Variants in OPA1 observed in about 807,000 individuals in gnomAD.
OPA1 encodes dynamin-like GTPase OPA1, mitochondrial.
Under a neutral mutation model 152.9 loss-of-function variants are expected in OPA1, and 59 were observed. The ratio of observed to expected loss-of-function variants is 0.39; its 90% confidence interval spans 0.31 to 0.48. The LOEUF (loss-of-function observed/expected upper bound fraction) is 0.48, where lower values mean the gene tolerates loss of function less well. OPA1 is among the 20% of genes least tolerant of loss of function. OPA1 has a pLI of 0.96. For missense variants in OPA1, 1,008 were observed against 1,216.8 expected (o/e 0.83, Z 2.55); for synonymous variants, 400 against 389.9 (o/e 1.03, Z -0.31).
Position 193,648,865 on chromosome 3 carries a change from A to T in OPA1, c.2006A>T (p.Lys669Ile), listed in dbSNP as rs146601330. 36 of 1,596,022 alleles carry T rather than the reference A, an allele frequency of 2.3e-5. No homozygotes were observed. Among genetic ancestry groups the T allele is most frequent in the Non-Finnish European group, 2.8e-5 (33 of 1,163,966 alleles). Reference protein sequence around the residue: ...EVISLSQVTPKHWEEILQQSL... With the variant: ...EVISLSQVTPIHWEEILQQSL... ...ATCAGTCTGAGCCAGGTTACACCAA[A>T]ACATTGGTAAGTATTTGATATTAAT... The change falls in exon 21 of 31, where the codon AAA (lysine) becomes ATA (isoleucine). Residue 669 changes from lysine (K) to isoleucine (I), a missense_variant. Physicochemically the swap from Lys to Ile is moderately radical, Grantham distance 102. Transcript: ENST00000361510.
chr3:193,604,531 A>G lies in OPA1; in HGVS notation c.33-10192A>G, dbSNP rs568937371. Reference sequence around the variant, plus strand: ...TAAGAGGGAAATCCCTTCAGCAGCCAAGTCATGTCCCAAATAGTGGACTTT... The same window carrying G: ...TAAGAGGGAAATCCCTTCAGCAGCCGAGTCATGTCCCAAATAGTGGACTTT... On this transcript the variant is annotated intron_variant, in intron 1 of 30. Transcript: ENST00000361510. Among the ~76,000 whole-genome samples the G allele has an allele frequency of 1.6e-4, 24 of 152,332 alleles. 1 individual carries two copies. The South Asian group carries it at 5.0e-3, about 32-fold the overall frequency.
At chr3:193,627,377 G>A (rs141480940) in intron 7 of OPA1, 128 of 152,264 alleles carry the variant, frequency 8.4e-4, no homozygotes, top group African/African-American at 2.5e-3. Flanking sequence ...TTAAATTAAA[G>A]TCGATGTGTT....
intron 29 of OPA1, chr3:193,668,662 G>C (rs1279114171): frequency 6.8e-7 from 1 of 1,474,358 alleles, no homozygotes; most frequent in Admixed American, 2.1e-5. Flanking sequence ...ACTGGACCAG[G>C]CTACCAACAG....
At chr3:193,684,832 T>C (rs998571881) in intron 29 of OPA1, among the ~76,000 whole-genome samples, 1 of 152,068 alleles carries the variant, frequency 6.6e-6, no homozygotes, top group Admixed American at 6.5e-5. Context: ...CTTAAGAAAG[T>C]TGAGTGGTCT....
At chr3:193,621,064 T>C (rs896211795) in intron 6 of OPA1, among the ~76,000 whole-genome samples, 2 of 152,208 alleles carry the variant, frequency 1.3e-5, no homozygotes, top group Non-Finnish European at 2.9e-5. Context: ...ATTTAAACAG[T>C]ATTTAGAATT....
At chr3:193,680,601 C>G (rs1051352236) in intron 29 of OPA1, among the ~76,000 whole-genome samples, 2 of 152,116 alleles carry the variant, frequency 1.3e-5, no homozygotes, top group Admixed American at 1.3e-4. Flanking sequence ...TAAGAGCTGC[C>G]TGGGTGGTTT....
At chr3:193,617,693 G>A (rs531540190) in intron 4 of OPA1, 91 bp from the exon 5 acceptor site, 28 of 943,278 alleles carry the variant, frequency 3.0e-5, no homozygotes, top group South Asian at 2.2e-4. Flanking sequence ...TTGCCCTATC[G>A]TAATATGAAA....
chr3:193,656,847 C>T (rs367677401), intron 22 of OPA1, among the ~76,000 whole-genome samples: 9 of 152,198 alleles, frequency 5.9e-5, no homozygotes, highest in Non-Finnish European at 7.4e-5. Flanking sequence ...AAATGAGAAC[C>T]GCTATACATG....
At chr3:193,606,252 A>G (rs1427370916) in intron 1 of OPA1, among the ~76,000 whole-genome samples, 2 of 152,148 alleles carry the variant, frequency 1.3e-5, no homozygotes, top group Non-Finnish European at 2.9e-5. Context: ...AATATTTTCC[A>G]AAGTGTGACT....
Position 193,631,714 on chromosome 3 carries a change from G to A in OPA1, c.843+49G>A, listed in dbSNP as rs371561263. On this transcript the variant is annotated intron_variant, in intron 8 of 30. Coordinates refer to ENST00000361510, the MANE Select transcript of OPA1 (RefSeq NM_130837.3). The stretch of plus-strand genomic sequence containing the variant: ...CTAGGGACTTTTAAAAATTATATTC[G>A]AATGTAACTTTGGTGATATGGACAT... The A allele has an allele frequency of 6.9e-5, 103 of 1,499,106 alleles. No individual in the cohort carries two copies. In the African/African-American group the frequency reaches 7.3e-4, roughly 11 times the overall value. The allele number at this position is 1,499,106 out of a possible 1,614,324, so 92.9% of individuals were successfully genotyped here.
At chr3:193,623,877 C>T (rs1294798672) in intron 6 of OPA1, among the ~76,000 whole-genome samples, 2 of 152,138 alleles carry the variant, frequency 1.3e-5, no homozygotes, top group African/African-American at 2.4e-5. Context: ...TGCACAAAAT[C>T]AAAGACAGGT....
At chr3:193,648,382 G>A (rs148656696) in intron 20 of OPA1, 1 of 438,794 alleles carries the variant, frequency 2.3e-6, no homozygotes, top group Non-Finnish European at 4.1e-6. Context: ...AGAAGGTAAT[G>A]AATGTGCTTT....
In OPA1 at chr3:193,614,623, G is replaced by A. The variant is rs76426470; in HGVS notation, c.33-100G>A. 5.5e-3 allele frequency: 4,606 copies of A among 837,964 alleles called. 71 individuals carry two copies. Among genetic ancestry groups the A allele is most frequent in the East Asian group, 0.024 (970 of 40,950 alleles). 51.9% of individuals were successfully genotyped at this position (837,964 alleles called of 1,614,324 possible). A position where few individuals can be genotyped will look rare whatever the true frequency, so the allele number is the denominator to read the frequency against. ...ATTGTGTGACATTGTGGTTAGTCAC[G>A]TATGGGGCTGTGTTTCCTTTAGTAT... On this transcript the variant is annotated intron_variant, in intron 1 of 30. Coordinates refer to ENST00000361510, the MANE Select transcript of OPA1 (RefSeq NM_130837.3).
chr3:193,675,823 A>G (rs3851984), intron 29 of OPA1, among the ~76,000 whole-genome samples: 75,232 of 152,094 alleles, frequency 0.49, 19,040 homozygotes, highest in African/African-American at 0.56. Flanking sequence ...TACTGTACAC[A>G]TTTACTGAAT....
intron 1 of OPA1, chr3:193,603,451 T>C (rs1180177677): frequency 6.6e-6 from 1 of 152,254 alleles, no homozygotes; most frequent in Admixed American, 6.5e-5. Context: ...GGTTCATTTC[T>C]ACAAGTATGA....
At chr3:193,611,061 A>G (rs1224953370) in intron 1 of OPA1, among the ~76,000 whole-genome samples, 1 of 152,184 alleles carries the variant, frequency 6.6e-6, no homozygotes, top group Admixed American at 6.5e-5. Flanking sequence ...ACTGTCTGAC[A>G]ATCCCCAGTG....
intron 29 of OPA1, chr3:193,668,702 AG>A (rs1717251273): frequency 1.5e-6 from 2 of 1,366,526 alleles, no homozygotes; most frequent in African/African-American, 2.9e-5. Flanking sequence ...AACCCAGGTC[AG>A]GCATTAACAC....
chr3:193,646,971 G>C (rs1402663266), intron 18 of OPA1, 94 bp from the exon 19 acceptor site: 3 of 755,024 alleles, frequency 4.0e-6, no homozygotes, highest in South Asian at 1.5e-5. Flanking sequence ...GGTAAGAGTG[G>C]CTGTTAGCAA....
chr3:193,645,262 G>A (rs540293170), intron 16 of OPA1, among the ~76,000 whole-genome samples: 14 of 152,192 alleles, frequency 9.2e-5, no homozygotes, highest in East Asian at 3.9e-4. Flanking sequence ...ACTTAAGGTC[G>A]CATAACTACT....
Sources: gnomAD v4.1 joint callset for allele counts (sites outside exome capture counted in the v4.1 genomes callset) on GRCh38, gnomAD v4.1.1 for gene constraint, MANE v1.5 for transcripts, NCBI Gene and HGNC (gene_info 2026-07-23, HGNC 2026-07-21) for gene names.